The following SLIT3 variants were observed in gnomAD, a reference collection of about 807,000 sequenced individuals.
SLIT3 encodes slit homolog 3 protein.
In SLIT3, 68 loss-of-function variants were observed where a neutral mutation model predicts 184.0. The observed-to-expected ratio is 0.37, with a 90% CI of 0.30 to 0.45. The LOEUF (loss-of-function observed/expected upper bound fraction) is 0.45. Ranked by LOEUF, SLIT3 falls within the 20% of genes least tolerant of loss-of-function variation. The pLI, the probability that SLIT3 is intolerant of heterozygous loss-of-function variation, is 1.00. For synonymous variants in SLIT3, 831 were observed against 828.6 expected, an observed-to-expected ratio of 1.00 and a Z score of -0.05; for missense variants, 1,707 against 2,026.0, an observed-to-expected ratio of 0.84 and a Z score of 3.02.
chr5:169,129,619 G>A (rs1286522514), intron 4 of SLIT3, among the ~76,000 whole-genome samples: 1 of 152,026 alleles, frequency 6.6e-6, no homozygotes, highest in Non-Finnish European at 1.5e-5. Flanking sequence ...CTAAAAATAA[G>A]GTCAAGGTCA....
intron 1 of SLIT3, among the ~76,000 whole-genome samples, chr5:169,259,418 A>G (rs898505192): frequency 1.3e-5 from 2 of 152,206 alleles, no homozygotes; most frequent in African/African-American, 2.4e-5. Context: ...GGGCTACAAC[A>G]GGTAGGGAGA....
intron 4 of SLIT3, among the ~76,000 whole-genome samples, chr5:168,917,275 T>C (rs12655322): frequency 0.15 from 22,579 of 152,140 alleles, 1,861 homozygotes; most frequent in Non-Finnish European, 0.19. Flanking sequence ...CCTAGCCAAG[T>C]CCTAGTCTTA....
At chr5:168,692,521 G>T in intron 29 of SLIT3, 86 bp downstream of exon 29, 1 of 807,386 alleles carries the variant, frequency 1.2e-6, no homozygotes, top group Non-Finnish European at 2.1e-6. Flanking sequence ...AGAGCATGCA[G>T]AGAGACCAGA....
chr5:168,774,513 G>T, intron 12 of SLIT3, 135 bp from the exon 13 acceptor site: 1 of 930,594 alleles, frequency 1.1e-6, no homozygotes, highest in Non-Finnish European at 1.6e-6. Flanking sequence ...CTGCAGAACA[G>T]AAAAAGAGAG....
intron 4 of SLIT3, among the ~76,000 whole-genome samples, chr5:169,085,280 G>A (rs977556488): frequency 2.0e-5 from 3 of 152,152 alleles, no homozygotes; most frequent in Admixed American, 1.3e-4. Flanking sequence ...GAATGAGAAC[G>A]GCTGGTCCAA....
At chr5:168,972,335 A>ACGCG (rs1202763396) in intron 4 of SLIT3, among the ~76,000 whole-genome samples, 4 of 38,836 alleles carry the variant, frequency 1.0e-4, no homozygotes, top group African/African-American at 9.5e-4. Flanking sequence ...CTGCAGGACA[A>ACGCG]CATGTGTGTG....
chr5:169,238,984 G>C (rs1243902572), intron 3 of SLIT3, among the ~76,000 whole-genome samples: 1 of 152,150 alleles, frequency 6.6e-6, no homozygotes, highest in African/African-American at 2.4e-5. Context: ...AACCGTAGCT[G>C]CCTTCCCTCT....
intron 8 of SLIT3, among the ~76,000 whole-genome samples, chr5:168,814,115 G>A (rs1171048754): frequency 6.6e-6 from 1 of 152,196 alleles, no homozygotes; most frequent in Non-Finnish European, 1.5e-5. Flanking sequence ...CCACCACAGG[G>A]CCGGGTGCGG....
intron 4 of SLIT3, among the ~76,000 whole-genome samples, chr5:169,060,509 A>G (rs1758142036): frequency 6.6e-6 from 1 of 152,236 alleles, no homozygotes; most frequent in East Asian, 1.9e-4. Context: ...CACTCAGGTA[A>G]CCTGCACAGC....
chr5:168,896,115 T>TTG (rs1760654242), intron 4 of SLIT3, among the ~76,000 whole-genome samples: 1 of 152,196 alleles, frequency 6.6e-6, no homozygotes, highest in African/African-American at 2.4e-5. Flanking sequence ...CATACTTTTC[T>TTG]TGGTAACTCA....
chr5:168,902,599 A>G (rs1760907662), intron 4 of SLIT3, among the ~76,000 whole-genome samples: 1 of 152,216 alleles, frequency 6.6e-6, no homozygotes, highest in Non-Finnish European at 1.5e-5. Context: ...CAGCATTTGT[A>G]TCATCTGGGA....
At chr5:169,105,183 T>G (rs190107949) in intron 4 of SLIT3, among the ~76,000 whole-genome samples, 1 of 152,326 alleles carries the variant, frequency 6.6e-6, no homozygotes, top group East Asian at 1.9e-4. Context: ...GGGTTTCTTT[T>G]ATTTTTTCCA....
intron 4 of SLIT3, among the ~76,000 whole-genome samples, chr5:169,071,573 AG>A (rs1339281896): frequency 6.6e-6 from 1 of 152,220 alleles, no homozygotes; most frequent in Non-Finnish European, 1.5e-5. Context: ...TCCTGGTTTC[AG>A]CCCCTCTAAT....
chr5:169,079,809 G>A (rs1758928908), intron 4 of SLIT3, among the ~76,000 whole-genome samples: 1 of 21,792 alleles, frequency 4.6e-5, no homozygotes, highest in Non-Finnish European at 1.1e-4. Flanking sequence ...GAAGAGGGAA[G>A]GGGAAGAGGA....
chr5:169,237,921 T>C (rs1476002059), intron 3 of SLIT3, among the ~76,000 whole-genome samples: 1 of 152,254 alleles, frequency 6.6e-6, no homozygotes, highest in Admixed American at 6.5e-5. Flanking sequence ...ATGTAAGATT[T>C]GTATCCAGAT....
intron 4 of SLIT3, among the ~76,000 whole-genome samples, chr5:168,940,942 T>C (rs10061530): frequency 0.047 from 7,172 of 152,170 alleles, 537 homozygotes; most frequent in African/African-American, 0.16. Context: ...CCCAGGACTG[T>C]TGTCATTCCT....
chr5:169,248,615 T>A (rs906650922), intron 2 of SLIT3, among the ~76,000 whole-genome samples: 1 of 151,592 alleles, frequency 6.6e-6, no homozygotes, highest in African/African-American at 2.4e-5. Flanking sequence ...CATTTTCAGC[T>A]TTTTTGGCAT....
chr5:169,077,500 C>T (rs968374520), intron 4 of SLIT3, among the ~76,000 whole-genome samples: 3 of 152,152 alleles, frequency 2.0e-5, no homozygotes, highest in Non-Finnish European at 2.9e-5. Context: ...GATCACACCA[C>T]TGCACTCCAG....
chr5:169,042,307 A>C (rs990690721), intron 4 of SLIT3, among the ~76,000 whole-genome samples: 12 of 152,238 alleles, frequency 7.9e-5, no homozygotes, highest in Non-Finnish European at 1.8e-4. Context: ...GATCTCATGA[A>C]AAATTAATTC....
Sources: gnomAD v4.1 joint callset for allele counts (sites outside exome capture counted in the v4.1 genomes callset) on GRCh38, gnomAD v4.1.1 for gene constraint, MANE v1.5 for transcripts, NCBI Gene and HGNC (gene_info 2026-07-23, HGNC 2026-07-21) for gene names.